TMTC2: variants seen among roughly 807,000 people sequenced by gnomAD.
TMTC2 encodes the protein transmembrane O-mannosyltransferase targeting cadherins 2.
Under a neutral mutation model 82.4 loss-of-function variants are expected in TMTC2, and 43 were observed. That is an observed-to-expected ratio of 0.52 (90% confidence interval 0.41 to 0.67). The LOEUF (loss-of-function observed/expected upper bound fraction) is 0.67, where lower values mean the gene tolerates loss of function less well. Ranked by LOEUF, TMTC2 falls within the 30% of genes least tolerant of loss-of-function variation. TMTC2 has a pLI of 0.00. For missense variants in TMTC2, 919 were observed against 1,012.4 expected (o/e 0.91, Z 1.25); for synonymous variants, 408 against 381.9 (o/e 1.07, Z -0.80).
At chr12:82,876,157 G>GATGA (rs1872561935) in intron 2 of TMTC2, among the ~76,000 whole-genome samples, 1 of 140,302 alleles carries the variant, frequency 7.1e-6, no homozygotes, top group African/African-American at 3.1e-5. Flanking sequence ...GGTGGTGGTA[G>GATGA]TGGTGGTAGT....
chr12:82,689,219 C>T (rs1402003069), intron 1 of TMTC2, among the ~76,000 whole-genome samples: 3 of 152,146 alleles, frequency 2.0e-5, no homozygotes, highest in Middle Eastern at 3.2e-3. Flanking sequence ...TCACTAAAAC[C>T]AGCTTGGGTC....
intron 3 of TMTC2, among the ~76,000 whole-genome samples, chr12:82,925,919 A>C (rs1339561071): frequency 1.3e-5 from 2 of 152,092 alleles, no homozygotes; most frequent in Non-Finnish European, 2.9e-5. Context: ...TGAGGAACAC[A>C]TTTCAAATAC....
Position 82,906,644 on chromosome 12 carries a change from G to A in TMTC2, c.1483+9998G>A, listed in dbSNP as rs1032668497. Among the ~76,000 whole-genome samples, 12 of 152,246 alleles carry A rather than the reference G, an allele frequency of 7.9e-5. No homozygotes were observed. In the East Asian group the frequency reaches 1.6e-3, roughly 20 times the overall value. On this transcript the variant is annotated intron_variant, in intron 3 of 11. Transcript: ENST00000321196. The stretch of plus-strand genomic sequence containing the variant: ...GCGGAGGCTGCAGTGAGCCGAGATC[G>A]TGCCATTGCACTCCAGCCTGGGGGA...
At chr12:83,006,203 G>A (rs1880196464) in intron 8 of TMTC2, among the ~76,000 whole-genome samples, 1 of 152,106 alleles carries the variant, frequency 6.6e-6, no homozygotes, top group South Asian at 2.1e-4. Context: ...GCCATCCCAT[G>A]CAGTGCTCTT....
At chr12:83,018,907 G>A (rs189855842) in intron 8 of TMTC2, among the ~76,000 whole-genome samples, 1 of 152,140 alleles carries the variant, frequency 6.6e-6, no homozygotes, top group East Asian at 1.9e-4. Flanking sequence ...TCTGGTCCTT[G>A]GATAAGTGTT....
intron 9 of TMTC2, among the ~76,000 whole-genome samples, chr12:83,032,708 C>T (rs994309899): frequency 5.3e-5 from 8 of 151,870 alleles, no homozygotes; most frequent in South Asian, 2.1e-4. Context: ...CCATGCCCAG[C>T]TAATTTTTTA....
intron 1 of TMTC2, among the ~76,000 whole-genome samples, chr12:82,828,699 C>T (rs1164632296): frequency 6.6e-6 from 1 of 152,112 alleles, no homozygotes; most frequent in African/African-American, 2.4e-5. Flanking sequence ...TGTTAGCACT[C>T]ATACTGTTAG....
intron 7 of TMTC2, among the ~76,000 whole-genome samples, chr12:82,973,024 C>G (rs1161078196): frequency 6.6e-6 from 1 of 152,100 alleles, no homozygotes; most frequent in African/African-American, 2.4e-5. Flanking sequence ...AAGTGGATTG[C>G]TCAAGGCATT....
At chr12:83,073,328 G>A (rs1445784577) in intron 11 of TMTC2, among the ~76,000 whole-genome samples, 1 of 152,160 alleles carries the variant, frequency 6.6e-6, no homozygotes, top group Non-Finnish European at 1.5e-5. Context: ...AGCTTATAGG[G>A]TTTCTGCTCA....
intron 1 of TMTC2, among the ~76,000 whole-genome samples, chr12:82,708,423 G>A (rs1873472523): frequency 6.6e-6 from 1 of 152,182 alleles, no homozygotes; most frequent in Non-Finnish European, 1.5e-5. Context: ...AGCACTATCT[G>A]TGACTTTTGC....
intron 1 of TMTC2, among the ~76,000 whole-genome samples, chr12:82,719,852 G>A (rs1592872023): frequency 6.6e-6 from 1 of 152,076 alleles, no homozygotes; most frequent in South Asian, 2.1e-4. Context: ...TGTATGCTAC[G>A]AGAGTTTGAA....
At position 82,987,687 on chromosome 12, in the gene TMTC2, T is replaced by C. The variant is rs563258941; in HGVS notation, c.2070+1641T>C. On this transcript the variant is annotated intron_variant, in intron 8 of 11. Coordinates refer to ENST00000321196, the MANE Select transcript of TMTC2 (RefSeq NM_152588.3). ...TGGAAACCAGTGAGAAGGTGGTTTT[T>C]GTTTGTTTGTTTTCATTATTTCTAG... 7.9e-5 allele frequency among the ~76,000 whole-genome samples: 12 copies of C among 152,238 alleles called. No homozygotes were observed. In the South Asian group the frequency reaches 2.3e-3, roughly 29 times the overall value.
At chr12:82,892,627 C>T (rs548861978) in intron 2 of TMTC2, among the ~76,000 whole-genome samples, 5 of 152,206 alleles carry the variant, frequency 3.3e-5, no homozygotes, top group East Asian at 1.9e-4. Context: ...TTTCCTCCTT[C>T]GTGTGGCTCT....
chr12:82,770,430 C>T (rs1359134528), intron 1 of TMTC2, among the ~76,000 whole-genome samples: 1 of 151,854 alleles, frequency 6.6e-6, no homozygotes, highest in Admixed American at 6.6e-5. Flanking sequence ...AGGATTTTTC[C>T]ATCTATTTAA....
intron 3 of TMTC2, among the ~76,000 whole-genome samples, chr12:82,928,859 A>G (rs1442981527): frequency 6.6e-6 from 1 of 152,192 alleles, no homozygotes; most frequent in Non-Finnish European, 1.5e-5. Flanking sequence ...TTTCCATTGG[A>G]AGCAAAGAAG....
chr12:83,063,422 ATAACT>A (rs1322454193), intron 11 of TMTC2, among the ~76,000 whole-genome samples: 2 of 151,944 alleles, frequency 1.3e-5, no homozygotes, highest in Non-Finnish European at 2.9e-5. Flanking sequence ...ACAGAAGAAA[ATAACT>A]TAATAATCAT....
intron 9 of TMTC2, among the ~76,000 whole-genome samples, chr12:83,042,509 G>A (rs1385900115): frequency 6.6e-6 from 1 of 152,138 alleles, no homozygotes; most frequent in Non-Finnish European, 1.5e-5. Context: ...CTTGATCCCT[G>A]TTGAATCTGT....
chr12:82,822,553 G>T (rs2137064978), intron 1 of TMTC2, among the ~76,000 whole-genome samples: 1 of 152,164 alleles, frequency 6.6e-6, no homozygotes, highest in East Asian at 1.9e-4. Flanking sequence ...AAGATTGAGG[G>T]CTTTATGAAA....
intron 11 of TMTC2, among the ~76,000 whole-genome samples, chr12:83,083,069 T>G (rs960061753): frequency 6.6e-6 from 1 of 152,218 alleles, no homozygotes; most frequent in Non-Finnish European, 1.5e-5. Context: ...GAGGTGGTAA[T>G]ATGATAATTA....
Sources: allele counts gnomAD v4.1 joint callset (sites outside exome capture counted in the v4.1 genomes callset), GRCh38; gene constraint gnomAD v4.1.1; transcripts MANE v1.5; gene names NCBI Gene and HGNC (gene_info 2026-07-23, HGNC 2026-07-21).